The following PALM variants were observed in gnomAD, a reference collection of about 807,000 sequenced individuals.
PALM encodes paralemmin-1.
Under a neutral mutation model 30.7 loss-of-function variants are expected in PALM, and 18 were observed. The ratio of observed to expected loss-of-function variants is 0.59; its 90% CI spans 0.41 to 0.87. PALM has a LOEUF of 0.87. Ranked by LOEUF, PALM falls within the 40% of genes least tolerant of loss-of-function variation. The pLI is 0.00. For missense variants in PALM, 529 were observed against 555.4 expected, an observed-to-expected ratio of 0.95 and a Z score of 0.48; for synonymous variants, 286 against 242.8, an observed-to-expected ratio of 1.18 and a Z score of -1.66.
At chr19:730,102 C>A (rs1160832994) in intron 4 of PALM, among the ~76,000 whole-genome samples, 2 of 152,222 alleles carry the variant, frequency 1.3e-5, no homozygotes, top group African/African-American at 2.4e-5. Flanking sequence ...TCTCCACTAC[C>A]CACCTTCTGC....
chr19:737,378 G>C (rs1299197204), intron 7 of PALM, among the ~76,000 whole-genome samples: 2 of 152,234 alleles, frequency 1.3e-5, no homozygotes, highest in Non-Finnish European at 2.9e-5. Flanking sequence ...GGCTGAGGCT[G>C]TGCAGAGCTA....
intron 4 of PALM, among the ~76,000 whole-genome samples, chr19:730,079 G>A (rs2032823876): frequency 6.6e-6 from 1 of 152,240 alleles, no homozygotes; most frequent in Non-Finnish European, 1.5e-5. Flanking sequence ...TGCTGAAACT[G>A]AGCTGCTCTG....
Position 740,373 on chromosome 19 carries a change from C to T in PALM, c.524C>T (p.Thr175Ile). 1 of 1,565,868 alleles carries T rather than the reference C, an allele frequency of 6.4e-7. No homozygotes were observed. Among genetic ancestry groups the T allele is most frequent in the Non-Finnish European group, 8.7e-7 (1 of 1,154,910 alleles). Residue 175 changes from threonine to isoleucine, a missense_variant, in exon 8 of 9, where the codon ACT becomes ATT. Physicochemically the swap from Thr to Ile is moderately conservative, Grantham distance 89. Coordinates refer to ENST00000338448, the MANE Select transcript of PALM (RefSeq NM_002579.3). ...CCAGCCATGTACTCGGTTGAGATCA[C>T]TGTGGAGAAGGACAAGGTGACAGGG... ...MKAAMYSVEITVEKDKVTGET... is the reference protein window; with the variant it reads ...MKAAMYSVEIIVEKDKVTGET...
chr19:719,983 C>T (rs1253867142), intron 1 of PALM, among the ~76,000 whole-genome samples: 4 of 152,158 alleles, frequency 2.6e-5, no homozygotes, highest in African/African-American at 4.8e-5. Context: ...ACCTTGGCTA[C>T]CCGGCGTCGG....
Position 746,556 on chromosome 19 carries a change from C to T in PALM, c.906C>T (p.Phe302=), listed in dbSNP as rs1486508365. The part of the protein sequence containing the change: ...PGQEPPVTMI[F]MGYQNVEDEA... ...AGGAGCCCCCGGTCACAATGATCTT[C>T]ATGGGTTACCAGAACGTGGAGGATG... is the stretch of plus-strand genomic sequence containing the variant. The change falls in exon 9 of 9, where the codon TTC becomes TTT. Residue 302 remains phenylalanine (F), a synonymous_variant. Coordinates refer to ENST00000338448, the MANE Select transcript of PALM (RefSeq NM_002579.3). This position sits in a 1 kb window ranked among gnomAD's most constrained non-coding sequence, Gnocchi z 7.1. The T allele has an allele frequency of 1.2e-6, 2 of 1,613,438 alleles. No homozygotes were observed. Among genetic ancestry groups the T allele is most frequent in the Non-Finnish European group, 1.7e-6 (2 of 1,179,922 alleles).
chr19:744,605 CTGTAA>C (rs903545909), intron 8 of PALM, among the ~76,000 whole-genome samples: 12 of 151,776 alleles, frequency 7.9e-5, no homozygotes, highest in Non-Finnish European at 1.6e-4. Context: ...ATCAGAATCC[CTGTAA>C]TGGCCAGGCA....
intron 1 of PALM, among the ~76,000 whole-genome samples, chr19:710,660 C>G (rs1291107810): frequency 1.1e-5 from 1 of 94,148 alleles, no homozygotes; most frequent in Non-Finnish European, 2.1e-5. Context: ...TGCCCCCCCC[C>G]CACCCCCCCT....
rs1308029354 is a variant in PALM at position 731,254 on chromosome 19, G to T, written c.420+9G>T. The T allele has an allele frequency of 1.3e-6, 2 of 1,599,464 alleles. No individual in the cohort carries two copies. Among genetic ancestry groups the T allele is most frequent in the South Asian group, 1.1e-5 (1 of 89,180 alleles). On this transcript the variant is annotated intron_variant, in intron 5 of 8. Transcript: ENST00000338448. Reference sequence around the variant, plus strand: ...TGATGAATTCACAGCAGGTAAGGGGGTGACTGGGGGGAGCGGATCCCCAGG... The same window carrying T: ...TGATGAATTCACAGCAGGTAAGGGGTTGACTGGGGGGAGCGGATCCCCAGG...
chr19:729,195 G>A (rs2032787685), intron 4 of PALM, among the ~76,000 whole-genome samples: 1 of 151,086 alleles, frequency 6.6e-6, no homozygotes, highest in Non-Finnish European at 1.5e-5. Flanking sequence ...GATTAGTGGC[G>A]GGCGCCTGTA....
intron 1 of PALM, chr19:719,145 G>C (rs1471203083): frequency 1.0e-6 from 1 of 985,248 alleles, no homozygotes; most frequent in Admixed American, 6.2e-5. Context: ...CCTCGTTCTG[G>C]CTGGAGCTGC....
intron 8 of PALM, among the ~76,000 whole-genome samples, chr19:745,983 G>A (rs543899085): frequency 1.1e-4 from 17 of 152,248 alleles, no homozygotes; most frequent in South Asian, 2.1e-4. Context: ...GCTTGAACCC[G>A]GGAGGTGGAG....
intron 8 of PALM, among the ~76,000 whole-genome samples, chr19:740,701 C>T (rs1364953691): frequency 6.6e-6 from 1 of 152,242 alleles, no homozygotes. Flanking sequence ...TCATCCACTC[C>T]AGAAAGCTGC....
rs148448746 is a variant in PALM, at chr19:746,571, C to T, written c.921C>T (p.Asn307=). ...PVTMIFMGYQ[N]VEDEAETKKV... ...CAATGATCTTCATGGGTTACCAGAA[C>T]GTGGAGGATGAGGCCGAGACCAAGA... The change falls in exon 9 of 9, where the codon AAC becomes AAT. Residue 307 remains asparagine, a synonymous_variant. Coordinates refer to ENST00000338448, the MANE Select transcript of PALM (RefSeq NM_002579.3). The surrounding 1 kb of genome is among the most constrained non-coding windows in gnomAD (Gnocchi z 7.1). 5.7e-5 allele frequency: 92 copies of T among 1,613,338 alleles called. No individual in the cohort carries two copies. The African/African-American group carries it at 9.6e-4, about 17-fold the overall frequency.
intron 1 of PALM, among the ~76,000 whole-genome samples, chr19:711,877 C>T (rs1266829553): frequency 3.3e-5 from 5 of 152,142 alleles, no homozygotes; most frequent in Admixed American, 1.3e-4. Flanking sequence ...GCCTCAGCCT[C>T]CCAAGTAGCT....
At position 720,846 on chromosome 19, in the gene PALM, G is replaced by C. The variant is rs2032454530; in HGVS notation, c.6-5292G>C. Among the ~76,000 whole-genome samples, 3 of 152,340 alleles carry C rather than the reference G, an allele frequency of 2.0e-5. No individual in the cohort carries two copies. The South Asian group carries it at 6.2e-4, about 32-fold the overall frequency. ...GTCCGGTCTGAGCGGCCACCTGCCTGCCGGGTGGGGACCTGGGCAGTCGGC... is the reference window on the plus strand; with the variant it reads ...GTCCGGTCTGAGCGGCCACCTGCCTCCCGGGTGGGGACCTGGGCAGTCGGC... On this transcript the variant is annotated intron_variant, in intron 1 of 8. Coordinates refer to ENST00000338448, the MANE Select transcript of PALM (RefSeq NM_002579.3).
At chr19:729,837 G>A (rs1206844683) in intron 4 of PALM, among the ~76,000 whole-genome samples, 1 of 152,194 alleles carries the variant, frequency 6.6e-6, no homozygotes, top group African/African-American at 2.4e-5. Context: ...TCAGACCGAG[G>A]TGGGGCTGAG....
intron 7 of PALM, among the ~76,000 whole-genome samples, chr19:736,469 C>T (rs567177813): frequency 6.6e-6 from 1 of 152,334 alleles, no homozygotes; most frequent in African/African-American, 2.4e-5. Flanking sequence ...GTAGGACTGG[C>T]TGCCCCGGGA....
chr19:710,526 AGGACGAC>A (rs2032039371), intron 1 of PALM, among the ~76,000 whole-genome samples: 1 of 152,120 alleles, frequency 6.6e-6, no homozygotes, highest in Non-Finnish European at 1.5e-5. Flanking sequence ...GCTGCCTAGG[AGGACGAC>A]GGAGATCTCC....
intron 1 of PALM, among the ~76,000 whole-genome samples, chr19:724,612 C>T (rs977855883): frequency 4.7e-5 from 7 of 149,754 alleles, no homozygotes; most frequent in African/African-American, 1.7e-4. Context: ...TGAGCCACTG[C>T]GCCCGGCCAT....
Sources: allele counts gnomAD v4.1 joint callset (sites outside exome capture counted in the v4.1 genomes callset), GRCh38; gene constraint gnomAD v4.1.1; non-coding constraint Gnocchi (gnomAD v3.1); transcripts MANE v1.5; gene names NCBI Gene and HGNC (gene_info 2026-07-23, HGNC 2026-07-21).